Variants in MXRA7 observed in about 807,000 individuals in gnomAD.
The protein encoded by MXRA7 is matrix-remodeling-associated protein 7.
MXRA7 carries 18 observed loss-of-function variants against 17.4 expected under a neutral mutation model. The ratio of observed to expected loss-of-function variants is 1.03; its 90% CI spans 0.71 to 1.53. The LOEUF (loss-of-function observed/expected upper bound fraction) is 1.53, where lower values mean the gene tolerates loss of function less well. MXRA7 is among the 40% of genes most tolerant of loss of function. The pLI is 0.00. For synonymous variants in MXRA7, 70 were observed against 101.7 expected (o/e 0.69, Z 1.87); for missense variants, 141 against 209.3 (o/e 0.67, Z 2.01).
chr17:76,677,474 G>A (rs2076249664), downstream of MXRA7: 5 of 694,134 alleles, frequency 7.2e-6, no homozygotes, highest in African/African-American at 8.8e-5. Context: ...ATGTACGCCT[G>A]CATCTATGTT....
At chr17:76,701,236 C>G (rs1467708952) in intron 1 of MXRA7, among the ~76,000 whole-genome samples, 3 of 152,002 alleles carry the variant, frequency 2.0e-5, no homozygotes, top group African/African-American at 7.3e-5. Context: ...GGAGGGAGGG[C>G]TGCTCTCGGA....
chr17:76,680,846 A>C lies in MXRA7; in HGVS notation c.*21T>G. The C allele has an allele frequency of 6.2e-7, 1 of 1,609,456 alleles. No individual in the cohort carries two copies. The highest frequency in any genetic ancestry group is 8.5e-7 in the Non-Finnish European group (1 of 1,177,736). ...GATGCCAAAAGGAAAAGCCTTTAGGAGGACGCTAAGGATAACTTCGTTATT... is the reference window on the plus strand; with the variant it reads ...GATGCCAAAAGGAAAAGCCTTTAGGCGGACGCTAAGGATAACTTCGTTATT... On this transcript the variant is annotated 3_prime_UTR_variant, in exon 4 of 4. Transcript: ENST00000449428.
chr17:76,696,419 G>A (rs933135316), intron 1 of MXRA7, among the ~76,000 whole-genome samples: 3 of 152,138 alleles, frequency 2.0e-5, no homozygotes, highest in African/African-American at 7.2e-5. Flanking sequence ...TACTTCGGAG[G>A]CTGAGGTGGG....
At chr17:76,696,684 C>A (rs1455716570) in intron 1 of MXRA7, among the ~76,000 whole-genome samples, 2 of 152,036 alleles carry the variant, frequency 1.3e-5, no homozygotes, top group African/African-American at 4.8e-5. Flanking sequence ...GAAGAGGGTA[C>A]AGAGCTCAGG....
exon 4 of MXRA7, chr17:76,674,016 G>A (rs1229129249): frequency 6.6e-6 from 1 of 152,390 alleles, no homozygotes; most frequent in Non-Finnish European, 1.5e-5. Flanking sequence ...GCCAGCCTGG[G>A]GCAGGGTTCT....
At chr17:76,683,819 C>T (rs1435597501) in intron 3 of MXRA7, 2 of 1,575,828 alleles carry the variant, frequency 1.3e-6, no homozygotes, top group Non-Finnish European at 1.7e-6. Context: ...AGGGGAGCAC[C>T]ACTAGTCTAA....
At chr17:76,706,951 T>TGC (rs773328124) in intron 1 of MXRA7, among the ~76,000 whole-genome samples, 10 of 152,188 alleles carry the variant, frequency 6.6e-5, no homozygotes, top group Non-Finnish European at 1.3e-4. Flanking sequence ...TGTGTGTGTG[T>TGC]GCATGTAACT....
chr17:76,683,741 TGAAGGCGATGGA>T, intron 3 of MXRA7: 1 of 759,920 alleles, frequency 1.3e-6, no homozygotes. Context: ...TAATCGGTTA[TGAAGGCGATGGA>T]GGAGGGGAGG....
rs115625597 is a variant in MXRA7, at chr17:76,706,787, G to T, written c.342+3818C>A. Among the ~76,000 whole-genome samples the T allele has an allele frequency of 9.5e-3, 1,439 of 152,272 alleles. 25 individuals are homozygous for T. Among genetic ancestry groups the T allele is most frequent in the African/African-American group, 0.034 (1,399 of 41,542 alleles). ...AAGAAATTTCCCAAAGAAGAATGTT[G>T]GCTTCTTTGTTCCAACATTCTCTTT... is the stretch of plus-strand genomic sequence containing the variant. On this transcript the variant is annotated intron_variant, in intron 1 of 3. Transcript: ENST00000449428.
At chr17:76,690,498 C>A (rs1395718029) in intron 1 of MXRA7, among the ~76,000 whole-genome samples, 1 of 151,710 alleles carries the variant, frequency 6.6e-6, no homozygotes, top group East Asian at 1.9e-4. Flanking sequence ...CTGCTTGAGC[C>A]CAGAAGTTCA....
chr17:76,706,144 C>CTGCCGTCACAGAGGCCCACGA (rs1242591722), intron 1 of MXRA7, among the ~76,000 whole-genome samples: 4 of 151,852 alleles, frequency 2.6e-5, no homozygotes, highest in Non-Finnish European at 1.5e-5. Flanking sequence ...AAGGACCACA[C>CTGCCGTCACAGAGGCCCACGA]TGCCGTCACA....
At chr17:76,688,264 G>A (rs978468892) in intron 1 of MXRA7, 88 bp from the exon 2 acceptor site, 4 of 1,571,582 alleles carry the variant, frequency 2.5e-6, no homozygotes, top group Admixed American at 1.8e-5. Flanking sequence ...AGACAGAGGA[G>A]GCCCTCGAAG....
chr17:76,690,986 C>T (rs1030700965), intron 1 of MXRA7, among the ~76,000 whole-genome samples: 2 of 152,128 alleles, frequency 1.3e-5, no homozygotes, highest in Non-Finnish European at 2.9e-5. Flanking sequence ...CTCCTAAGTC[C>T]GTTGGAATTT....
At chr17:76,696,086 C>T (rs1313354181) in intron 1 of MXRA7, among the ~76,000 whole-genome samples, 1 of 151,978 alleles carries the variant, frequency 6.6e-6, no homozygotes, top group Non-Finnish European at 1.5e-5. Context: ...CAGAGCGTGA[C>T]TCTATCTCAA....
intron 1 of MXRA7, among the ~76,000 whole-genome samples, chr17:76,705,264 A>AT (rs1193855094): frequency 6.6e-6 from 1 of 152,198 alleles, no homozygotes; most frequent in African/African-American, 2.4e-5. Flanking sequence ...ATGGAAAAAA[A>AT]TTAAGTTAGG....
At chr17:76,691,634 G>A (rs985586834) in intron 1 of MXRA7, among the ~76,000 whole-genome samples, 3 of 152,196 alleles carry the variant, frequency 2.0e-5, no homozygotes, top group African/African-American at 2.4e-5. Flanking sequence ...GGCTGGAGAA[G>A]GTGTTGGTTG....
chr17:76,683,295 A>C (rs890328751), intron 3 of MXRA7, among the ~76,000 whole-genome samples: 1 of 152,232 alleles, frequency 6.6e-6, no homozygotes, highest in African/African-American at 2.4e-5. Flanking sequence ...GGCACAGACC[A>C]CAGGAAAATG....
Position 76,679,771 on chromosome 17 carries a change from T to C in MXRA7, c.*1096A>G, listed in dbSNP as rs1234868781. The C allele has an allele frequency of 1.3e-5, 7 of 544,658 alleles. No individual in the cohort carries two copies. The highest frequency in any genetic ancestry group is 1.6e-5 in the Non-Finnish European group (7 of 429,654). 33.7% of individuals were successfully genotyped at this position (544,658 alleles called of 1,614,324 possible). The stretch of plus-strand genomic sequence containing the variant: ...TGGACAAGGGCATGACTATTGCTGT[T>C]TGGGGACACGTGGCTCTGTGTTGAA... On this transcript the variant is annotated 3_prime_UTR_variant, in exon 4 of 4. Coordinates refer to ENST00000449428, the MANE Select transcript of MXRA7 (RefSeq NM_198530.4).
intron 3 of MXRA7, chr17:76,683,947 A>T: frequency 6.2e-7 from 1 of 1,602,706 alleles, no homozygotes; most frequent in Non-Finnish European, 8.5e-7. Flanking sequence ...AAATGCAGCA[A>T]ACCTGGTCAT....
Sources: gnomAD v4.1 joint callset for allele counts (sites outside exome capture counted in the v4.1 genomes callset) on GRCh38, gnomAD v4.1.1 for gene constraint, MANE v1.5 for transcripts, NCBI Gene and HGNC (gene_info 2026-07-23, HGNC 2026-07-21) for gene names.